Variants in ELAVL4 observed in about 807,000 individuals in gnomAD.
The protein encoded by ELAVL4 is ELAV like RNA binding protein 4.
A neutral mutation model predicts 35.6 loss-of-function variants in ELAVL4; 1 was observed. The ratio of observed to expected loss-of-function variants is 0.03; its 90% CI spans 0.01 to 0.13. ELAVL4 has a LOEUF of 0.13. ELAVL4 is among the 10% of genes least tolerant of loss of function. The probability of loss-of-function intolerance (pLI) is 1.00; values close to 1 mark genes in which losing one functional copy is unlikely to be tolerated. For missense variants in ELAVL4, 267 were observed against 464.9 expected (o/e 0.57, Z 3.91); for synonymous variants, 156 against 171.0 (o/e 0.91, Z 0.69).
chr1:50,194,689 T>C (rs765717315), intron 4 of ELAVL4, among the ~76,000 whole-genome samples: 10 of 151,998 alleles, frequency 6.6e-5, no homozygotes, highest in Non-Finnish European at 1.2e-4. Flanking sequence ...AGGACTCCAG[T>C]GTGGAGTCCA....
chr1:50,185,710 C>T (rs1681713295), intron 3 of ELAVL4, among the ~76,000 whole-genome samples: 1 of 152,162 alleles, frequency 6.6e-6, no homozygotes, highest in Non-Finnish European at 1.5e-5. Flanking sequence ...CTAAAGTGAA[C>T]ATTACATGAG....
At chr1:50,113,450 G>A (rs1667424726) in intron 1 of ELAVL4, among the ~76,000 whole-genome samples, 1 of 152,028 alleles carries the variant, frequency 6.6e-6, no homozygotes, top group African/African-American at 2.4e-5. Context: ...ATACATAGAC[G>A]AAAGTACTTT....
Position 50,195,517 on chromosome 1 carries a change from T to A in ELAVL4, c.509-44T>A, listed in dbSNP as rs372968091. 4.8e-5 allele frequency: 76 copies of A among 1,597,086 alleles called. No individual in the cohort carries two copies. In the African/African-American group the frequency reaches 9.1e-4, roughly 19 times the overall value. On this transcript the variant is annotated intron_variant, in intron 4 of 6. Coordinates refer to ENST00000371824, the MANE Select transcript of ELAVL4 (RefSeq NM_001144774.3). Reference sequence around the variant, plus strand: ...ATCTCTTCCCAAAGATGTTTACCAGTTTGGTGTGTTCACTCTTTACAAAGG... The same window carrying A: ...ATCTCTTCCCAAAGATGTTTACCAGATTGGTGTGTTCACTCTTTACAAAGG...
chr1:50,144,509 T>C (rs374903154), intron 1 of ELAVL4: 34 of 467,078 alleles, frequency 7.3e-5, no homozygotes, highest in Non-Finnish European at 1.3e-4. Context: ...CATTTTATTT[T>C]ATGAGATAGT....
chr1:50,125,768 A>T (rs1438667846), intron 1 of ELAVL4, among the ~76,000 whole-genome samples: 2 of 152,090 alleles, frequency 1.3e-5, no homozygotes, highest in Non-Finnish European at 2.9e-5. Flanking sequence ...CAGGAGCCTG[A>T]ACCTAGAAGG....
chr1:50,167,560 G>T (rs998725375), intron 2 of ELAVL4, among the ~76,000 whole-genome samples: 3 of 152,166 alleles, frequency 2.0e-5, no homozygotes, highest in African/African-American at 7.2e-5. Flanking sequence ...TCATATCAAG[G>T]GCTCGATAGT....
At chr1:50,125,800 A>G (rs1199377648) in intron 1 of ELAVL4, among the ~76,000 whole-genome samples, 2 of 152,028 alleles carry the variant, frequency 1.3e-5, no homozygotes, top group East Asian at 1.9e-4. Flanking sequence ...TGGCATTATC[A>G]TAGGATTCTA....
At chr1:50,174,033 G>A (rs1201216853) in intron 2 of ELAVL4, among the ~76,000 whole-genome samples, 10 of 152,096 alleles carry the variant, frequency 6.6e-5, no homozygotes, top group Non-Finnish European at 1.5e-5. Flanking sequence ...ATACAGAACT[G>A]CAAATATAAA....
intron 1 of ELAVL4, 82 bp downstream of exon 1, chr1:50,109,280 T>A: frequency 2.1e-6 from 3 of 1,439,844 alleles, no homozygotes; most frequent in Non-Finnish European, 1.9e-6. Context: ...GTCTTATGCT[T>A]GCACAAGAGT....
At chr1:50,066,782 T>G (rs1290396661) in intron 1 of ELAVL4, among the ~76,000 whole-genome samples, 2 of 152,156 alleles carry the variant, frequency 1.3e-5, no homozygotes, top group South Asian at 4.1e-4. Flanking sequence ...CAAAAGCATT[T>G]TTTACTCAGC....
chr1:50,062,579 AG>A (rs1370369449), intron 1 of ELAVL4, among the ~76,000 whole-genome samples: 1 of 152,108 alleles, frequency 6.6e-6, no homozygotes, highest in African/African-American at 2.4e-5. Flanking sequence ...TGGCCCCTTG[AG>A]GAGCTTAGGA....
chr1:50,087,095 G>A (rs1182921202), intron 1 of ELAVL4, among the ~76,000 whole-genome samples: 3 of 152,124 alleles, frequency 2.0e-5, no homozygotes, highest in Admixed American at 6.5e-5. Context: ...CATGGTTCAA[G>A]GATATCTACT....
chr1:50,192,821 A>C (rs2148877476), intron 3 of ELAVL4, among the ~76,000 whole-genome samples: 1 of 152,294 alleles, frequency 6.6e-6, no homozygotes, highest in South Asian at 2.1e-4. Flanking sequence ...TAAATAAATA[A>C]GTAAATGAAA....
intron 1 of ELAVL4, among the ~76,000 whole-genome samples, chr1:50,078,821 A>G (rs1664877665): frequency 6.6e-6 from 1 of 152,070 alleles, no homozygotes; most frequent in Non-Finnish European, 1.5e-5. Flanking sequence ...TCTCTTCTCC[A>G]TTCCCGTGCC....
intron 2 of ELAVL4, among the ~76,000 whole-genome samples, chr1:50,148,959 C>T (rs1026655836): frequency 6.6e-6 from 1 of 151,990 alleles, no homozygotes; most frequent in African/African-American, 2.4e-5. Context: ...TTGACCAGGG[C>T]AAGGTTAGGT....
At chr1:50,120,374 C>A (rs1364319610) in intron 1 of ELAVL4, among the ~76,000 whole-genome samples, 1 of 151,960 alleles carries the variant, frequency 6.6e-6, no homozygotes, top group Non-Finnish European at 1.5e-5. Context: ...GAGATGGGAA[C>A]TTACAAGGCC....
rs376069224 is a variant in ELAVL4 at position 50,059,827 on chromosome 1, AACATAAGTGAAAGAAGCCAGAC to A, written c.18+11649_18+11670del. 1.9e-3 allele frequency among the ~76,000 whole-genome samples: 290 copies of A among 152,340 alleles called. 2 individuals carry two copies. Among genetic ancestry groups the A allele is most frequent in the South Asian group, 9.9e-3 (48 of 4,826 alleles). ...TGCTACAACATGGATGAACCTCCAAAACATAAGTGAAAGAAGCCAGACACAAAAGGTCACATATTATATTATT... is the reference window on the plus strand; with the variant it reads ...TGCTACAACATGGATGAACCTCCAAAACAAAAGGTCACATATTATATTATT... On this transcript the variant is annotated intron_variant, in intron 1 of 6. Coordinates refer to the ELAVL4 transcript ENST00000448907.
intron 2 of ELAVL4, among the ~76,000 whole-genome samples, chr1:50,170,114 C>G (rs1409833034): frequency 6.6e-6 from 1 of 152,132 alleles, no homozygotes; most frequent in Non-Finnish European, 1.5e-5. Flanking sequence ...GTTGCGGTTT[C>G]ATTGAGGAAT....
At chr1:50,174,990 C>T (rs56864258) in intron 2 of ELAVL4, among the ~76,000 whole-genome samples, 10,532 of 151,906 alleles carry the variant, frequency 0.069, 822 homozygotes, top group East Asian at 0.42. Flanking sequence ...TTTAATTTTA[C>T]GCAAATTAAA....
Sources: gnomAD v4.1 joint callset for allele counts (sites outside exome capture counted in the v4.1 genomes callset) on GRCh38, gnomAD v4.1.1 for gene constraint, MANE v1.5 for transcripts, NCBI Gene and HGNC (gene_info 2026-07-23, HGNC 2026-07-21) for gene names.